ALDH7A1: variants seen among roughly 807,000 people sequenced by gnomAD.
ALDH7A1 encodes the protein alpha-aminoadipic semialdehyde dehydrogenase.
A neutral mutation model predicts 79.9 loss-of-function variants in ALDH7A1; 63 were observed. The observed-to-expected ratio is 0.79, with a 90% CI of 0.64 to 0.97. ALDH7A1 has a LOEUF of 0.97. Ranked by LOEUF, ALDH7A1 falls within the 50% of genes least tolerant of loss-of-function variation. The pLI, the probability that ALDH7A1 is intolerant of heterozygous loss-of-function variation, is 0.00. For synonymous variants in ALDH7A1, 240 were observed against 231.2 expected (o/e 1.04, Z -0.34); for missense variants, 627 against 665.2 (o/e 0.94, Z 0.63).
At chr5:126,550,119 G>A in intron 15 of ALDH7A1, 77 bp downstream of exon 15, 1 of 1,528,164 alleles carries the variant, frequency 6.5e-7, no homozygotes, top group Non-Finnish European at 9.0e-7. Flanking sequence ...ACTGATTTTA[G>A]ACTACAGCAG....
At chr5:126,558,582 T>G (rs1750287462) in intron 11 of ALDH7A1, among the ~76,000 whole-genome samples, 1 of 152,140 alleles carries the variant, frequency 6.6e-6, no homozygotes, top group Non-Finnish European at 1.5e-5. Flanking sequence ...AGTGGTGCAA[T>G]CATGGCTCAT....
intron 14 of ALDH7A1, among the ~76,000 whole-genome samples, chr5:126,550,932 C>T (rs780555738): frequency 2.6e-5 from 4 of 152,124 alleles, no homozygotes; most frequent in East Asian, 1.9e-4. Flanking sequence ...TATTTACTGG[C>T]GAGGCTAGGG....
In ALDH7A1 at chr5:126,568,278, C is replaced by G. The variant is rs747107627; in HGVS notation, c.852G>C (p.Leu284=). The change falls in exon 9 of 18, where the codon CTG becomes CTC. Residue 284 remains leucine, a synonymous_variant. Coordinates refer to ENST00000409134, the MANE Select transcript of ALDH7A1 (RefSeq NM_001182.5). ...ACTTACCAAACCTCTCCTGCACCAT[C>G]AGGCCCACCTGTTTTCCCACCTGAG... ...GSTQVGKQVG[L]MVQERFGRSL... is the part of the protein sequence containing the mutation. 5 of 1,614,060 alleles carry G rather than the reference C, an allele frequency of 3.1e-6. No individual in the cohort carries two copies. The African/African-American group carries it at 6.7e-5, about 22-fold the overall frequency.
At chr5:126,554,471 T>A (rs939238941) in intron 12 of ALDH7A1, 78 bp from the exon 13 acceptor site, 17 of 1,119,956 alleles carry the variant, frequency 1.5e-5, no homozygotes, top group Non-Finnish European at 1.8e-5. Flanking sequence ...GCTTTCTCAA[T>A]GAACAGACCA....
Position 126,549,751 on chromosome 5 carries a change from A to T in ALDH7A1, c.1489+178T>A, listed in dbSNP as rs955886511. The T allele has an allele frequency of 4.4e-6, 3 of 687,212 alleles. No homozygotes were observed. In the African/African-American group the frequency reaches 5.3e-5, roughly 12 times the overall value. The allele number at this position is 687,212 out of a possible 1,614,324, so 42.6% of individuals were successfully genotyped here. On this transcript the variant is annotated intron_variant, in intron 16 of 17. Transcript: ENST00000409134. ...GATGCTGCCTCTGAGGAGATGACGC[A>T]GGACTCTATGCGATAACTTTGAATA...
rs1561662953 is a variant in ALDH7A1 at position 126,575,467 on chromosome 5, T to A, written c.651-3A>T. On this transcript the variant is annotated splice_polypyrimidine_tract_variant and splice_region_variant and intron_variant, in intron 6 of 17. Transcript: ENST00000409134. Reference sequence around the variant, plus strand: ...GGGAAGTGGTTGGAGCTCCTTTCCTTAAGAAGGTTAAAACAAAAAAAGAAA... The same window carrying A: ...GGGAAGTGGTTGGAGCTCCTTTCCTAAAGAAGGTTAAAACAAAAAAAGAAA... The A allele has an allele frequency of 1.2e-6, 2 of 1,611,324 alleles. No homozygotes were observed. Among genetic ancestry groups the A allele is most frequent in the Admixed American group, 3.4e-5 (2 of 59,676 alleles).
intron 9 of ALDH7A1, chr5:126,564,512 T>A: frequency 8.0e-7 from 1 of 1,245,482 alleles, no homozygotes; most frequent in Admixed American, 4.2e-5. Context: ...TAAAATCAGC[T>A]TCCATGTGAA....
intron 4 of ALDH7A1, among the ~76,000 whole-genome samples, chr5:126,583,397 C>T (rs1427638145): frequency 3.3e-5 from 5 of 151,982 alleles, no homozygotes; most frequent in Non-Finnish European, 7.4e-5. Context: ...AGGAGAATCG[C>T]TTGAACCCAG....
chr5:126,562,876 A>G (rs1396041914), intron 9 of ALDH7A1, among the ~76,000 whole-genome samples: 1 of 152,162 alleles, frequency 6.6e-6, no homozygotes, highest in African/African-American at 2.4e-5. Flanking sequence ...GTTAAGTGAA[A>G]TAAGGTAGTC....
chr5:126,560,179 G>T (rs1275772160), intron 10 of ALDH7A1, among the ~76,000 whole-genome samples: 5 of 152,084 alleles, frequency 3.3e-5, no homozygotes, highest in Admixed American at 6.5e-5. Context: ...CTCTTTAAAA[G>T]TCCATCCAGA....
At chr5:126,575,829 T>C (rs752913459) in intron 6 of ALDH7A1, among the ~76,000 whole-genome samples, 1 of 152,226 alleles carries the variant, frequency 6.6e-6, no homozygotes, top group Non-Finnish European at 1.5e-5. Flanking sequence ...TGAGGAAAAC[T>C]ACACAATGAA....
At position 126,577,185 on chromosome 5, in the gene ALDH7A1, A is replaced by T. The variant is rs1211470619; in HGVS notation, c.544T>A (p.Trp182Arg). 3 of 1,614,200 alleles carry T rather than the reference A, an allele frequency of 1.9e-6. No homozygotes were observed. The highest frequency in any genetic ancestry group is 2.5e-6 in the Non-Finnish European group (3 of 1,180,040). The change falls in exon 6 of 18, where the codon TGG (tryptophan) becomes AGG (arginine). Residue 182 changes from tryptophan to arginine, a missense_variant. Physicochemically the swap from Trp to Arg is moderately radical, Grantham distance 101. Transcript: ENST00000409134. Reference sequence around the variant, plus strand: ...ATTCCAACCAGGCCTACGGGATTCCACTGCTCAATCAGTGCATGGCCAGAT... The same window carrying T: ...ATTCCAACCAGGCCTACGGGATTCCTCTGCTCAATCAGTGCATGGCCAGAT... ...ERSGHALIEQ[W>R]NPVGLVGIIT...
At chr5:126,586,711 G>C (rs1416938527) in intron 3 of ALDH7A1, 1 of 152,318 alleles carries the variant, frequency 6.6e-6, no homozygotes, top group Admixed American at 6.5e-5. Flanking sequence ...GTTGTGAAGA[G>C]GTAGGCAAAG....
At chr5:126,573,957 G>C (rs1331339388) in intron 7 of ALDH7A1, among the ~76,000 whole-genome samples, 1 of 134,756 alleles carries the variant, frequency 7.4e-6, no homozygotes, top group African/African-American at 3.0e-5. Flanking sequence ...TTGAACCCAG[G>C]AAGCAGAAAC....
intron 1 of ALDH7A1, chr5:126,594,092 G>A (rs1751655270): frequency 2.6e-6 from 1 of 381,980 alleles, no homozygotes; most frequent in Non-Finnish European, 5.5e-6. Context: ...AAAAATCTGG[G>A]CGATAATAAC....
chr5:126,575,525 C>A (rs1429065413), intron 6 of ALDH7A1, 61 bp from the exon 7 acceptor site: 1 of 1,446,072 alleles, frequency 6.9e-7, no homozygotes, highest in Non-Finnish European at 9.5e-7. Context: ...ACCATAAATA[C>A]CTTTTATTAT....
intron 7 of ALDH7A1, chr5:126,571,163 T>G: frequency 3.2e-6 from 1 of 314,630 alleles, no homozygotes; most frequent in Non-Finnish European, 6.0e-6. Context: ...TTTTTTTTTT[T>G]TTTTTTTTTT....
chr5:126,566,352 A>G (rs1344482858), intron 9 of ALDH7A1, among the ~76,000 whole-genome samples: 1 of 152,168 alleles, frequency 6.6e-6, no homozygotes, highest in Non-Finnish European at 1.5e-5. Context: ...TACAAATTGA[A>G]TTGTTTTCTG....
intron 3 of ALDH7A1, chr5:126,587,536 T>A (rs139495736): frequency 0.011 from 1,586 of 150,150 alleles, 8 homozygotes; most frequent in Non-Finnish European, 0.016. Flanking sequence ...TAGGCTGAGG[T>A]AGGAGAATCG....
Sources: gnomAD v4.1 joint callset for allele counts (sites outside exome capture counted in the v4.1 genomes callset) on GRCh38, gnomAD v4.1.1 for gene constraint, MANE v1.5 for transcripts, NCBI Gene and HGNC (gene_info 2026-07-23, HGNC 2026-07-21) for gene names.